The following PKD2L2 variants were observed in gnomAD, a reference collection of about 807,000 sequenced individuals.
PKD2L2 encodes the protein polycystin-2-like protein 2.
In PKD2L2, 67 loss-of-function variants were observed where a neutral mutation model predicts 83.9. That is an observed-to-expected ratio of 0.80 (90% CI 0.66 to 0.98). The LOEUF (loss-of-function observed/expected upper bound fraction) is 0.98, where lower values mean the gene tolerates loss of function less well. Ranked by LOEUF, PKD2L2 falls within the 50% of genes least tolerant of loss-of-function variation. The pLI, the probability that PKD2L2 is intolerant of heterozygous loss-of-function variation, is 0.00. For missense variants in PKD2L2, 632 were observed against 717.2 expected (o/e 0.88, Z 1.36); for synonymous variants, 223 against 237.8 (o/e 0.94, Z 0.57).
chr5:137,913,104 A>G (rs1265176005), intron 8 of PKD2L2, among the ~76,000 whole-genome samples: 1 of 148,046 alleles, frequency 6.8e-6, no homozygotes, highest in Non-Finnish European at 1.5e-5. Context: ...GGAACTCTTG[A>G]CCTCAGGTGA....
chr5:137,892,743 A>G, intron 3 of PKD2L2, 130 bp downstream of exon 3: 1 of 736,104 alleles, frequency 1.4e-6, no homozygotes, highest in Non-Finnish European at 2.2e-6. Context: ...TTAAACTATT[A>G]GAAACAACCA....
intron 5 of PKD2L2, among the ~76,000 whole-genome samples, chr5:137,903,318 A>C (rs1377975457): frequency 1.3e-5 from 2 of 152,216 alleles, no homozygotes; most frequent in African/African-American, 2.4e-5. Flanking sequence ...TTGGCCAAAG[A>C]AATTCATGTG....
intron 9 of PKD2L2, among the ~76,000 whole-genome samples, chr5:137,923,066 C>T (rs933145815): frequency 2.0e-5 from 3 of 149,826 alleles, no homozygotes; most frequent in Non-Finnish European, 4.4e-5. Context: ...GGCTGGAGTG[C>T]AGTGGTGCGA....
chr5:137,920,643 G>C (rs1758808095), intron 8 of PKD2L2, among the ~76,000 whole-genome samples: 1 of 151,988 alleles, frequency 6.6e-6, no homozygotes, highest in Admixed American at 6.6e-5. Context: ...TGTAGTCCCA[G>C]CTACTCAGGA....
chr5:137,923,614 C>T (rs34485024), intron 10 of PKD2L2, 93 bp downstream of exon 10: 27,818 of 731,780 alleles, frequency 0.038, 677 homozygotes, highest in Middle Eastern at 0.073. Context: ...TCCAAGTGGT[C>T]GTGCTCTCCC....
At chr5:137,919,351 C>T (rs1758680858) in intron 8 of PKD2L2, among the ~76,000 whole-genome samples, 1 of 152,156 alleles carries the variant, frequency 6.6e-6, no homozygotes, top group Non-Finnish European at 1.5e-5. Flanking sequence ...CCTCCAGTTT[C>T]GATGAGATTC....
chr5:137,940,485 G>C (rs1761357115), intron 14 of PKD2L2: 1 of 601,020 alleles, frequency 1.7e-6, no homozygotes. Context: ...AAAAAAAAAA[G>C]GTTATTGAAC....
At chr5:137,932,213 T>TGGCTACA (rs1226975421) in intron 12 of PKD2L2, among the ~76,000 whole-genome samples, 2 of 151,970 alleles carry the variant, frequency 1.3e-5, no homozygotes, top group African/African-American at 4.8e-5. Flanking sequence ...CCAGGCGTGG[T>TGGCTACA]GGTGTGCACC....
chr5:137,892,613 G>A lies in PKD2L2; in HGVS notation c.267G>A (p.Lys89=). Residue 89 remains lysine (K), a splice_region_variant and synonymous_variant, in exon 3 of 15, where the codon AAG becomes AAA. Coordinates refer to ENST00000508883, the MANE Select transcript of PKD2L2 (RefSeq NM_001300921.2). Reference sequence around the variant, plus strand: ...TTCGCAGCATAACTGATTTTTGGAAGGTAAAGTATCTTGTGACTGTGGATG... The same window carrying A: ...TTCGCAGCATAACTGATTTTTGGAAAGTAAAGTATCTTGTGACTGTGGATG... ...KSIRSITDFW[K]FMEGPLLEGL... 3 of 1,610,744 alleles carry A rather than the reference G, an allele frequency of 1.9e-6. No individual in the cohort carries two copies. The highest frequency in any genetic ancestry group is 2.5e-6 in the Non-Finnish European group (3 of 1,178,894).
chr5:137,929,590 A>G (rs1039069417), intron 12 of PKD2L2, among the ~76,000 whole-genome samples: 1 of 150,792 alleles, frequency 6.6e-6, no homozygotes, highest in African/African-American at 2.4e-5. Flanking sequence ...TTAAAATATA[A>G]ATATAAAACA....
rs1290943107 is a variant in PKD2L2, at chr5:137,890,483, G to T, written c.34G>T (p.Ala12Ser). Residue 12 changes from alanine (A) to serine (S), a missense_variant and splice_region_variant, in exon 2 of 15, where the codon GCT becomes TCT. Ala to Ser is a moderately conservative substitution (Grantham distance 99). Around this residue, in one of 3 missense-constraint regions of PKD2L2, gnomAD observed 229 missense variants for 281.5 expected, o/e 0.81. Transcript: ENST00000508883. ...AEASRWHRGG[A>S]SKHKLHYRKE... Reference sequence around the variant, plus strand: ...AAATTTTGTCTTATATCTCACAGGGGCTTCGAAACATAAGTTGCATTACAG... The same window carrying T: ...AAATTTTGTCTTATATCTCACAGGGTCTTCGAAACATAAGTTGCATTACAG... 1 of 1,557,046 alleles carries T rather than the reference G, an allele frequency of 6.4e-7. No individual in the cohort carries two copies. The highest frequency in any genetic ancestry group is 1.4e-5 in the African/African-American group (1 of 72,690).
chr5:137,901,906 A>C (rs1756990482), intron 5 of PKD2L2, among the ~76,000 whole-genome samples: 1 of 152,162 alleles, frequency 6.6e-6, no homozygotes, highest in African/African-American at 2.4e-5. Context: ...GAAACAACAA[A>C]TACCCGCTGG....
At chr5:137,940,241 G>A (rs201567292) in intron 14 of PKD2L2, 2 of 1,613,894 alleles carry the variant, frequency 1.2e-6, no homozygotes, top group South Asian at 1.1e-5. Flanking sequence ...GGATTTTGAA[G>A]AATCTTGTTT....
chr5:137,923,429 T>C lies in PKD2L2; in HGVS notation c.1459T>C (p.Leu487=), dbSNP rs758142906. 7.1e-7 allele frequency: 1 copy of C among 1,411,280 alleles called. No individual in the cohort carries two copies. The highest frequency in any genetic ancestry group is 2.3e-5 in the East Asian group (1 of 43,898). 87.4% of individuals were successfully genotyped at this position (1,411,280 alleles called of 1,614,324 possible). ...FVFFVLLNMF[L]AIINDTYSEV... ...GAATACTTATCCCTAGAATATGTTCTTGGCAATTATTAATGATACCTATTC... is the reference window on the plus strand; with the variant it reads ...GAATACTTATCCCTAGAATATGTTCCTGGCAATTATTAATGATACCTATTC... The change falls in exon 10 of 15, where the codon TTG becomes CTG. Residue 487 remains leucine, a synonymous_variant. Transcript: ENST00000508883.
intron 12 of PKD2L2, among the ~76,000 whole-genome samples, chr5:137,933,186 A>G (rs181132009): frequency 1.3e-5 from 2 of 152,168 alleles, no homozygotes; most frequent in Non-Finnish European, 2.9e-5. Context: ...AGAGTATAAG[A>G]GGGTAAATTT....
At chr5:137,910,981 A>G (rs1241219256) in intron 8 of PKD2L2, among the ~76,000 whole-genome samples, 1 of 152,138 alleles carries the variant, frequency 6.6e-6, no homozygotes, top group Non-Finnish European at 1.5e-5. Context: ...TATAACATCA[A>G]ATTTACCATT....
chr5:137,899,879 G>A, intron 5 of PKD2L2, 142 bp downstream of exon 5: 1 of 487,186 alleles, frequency 2.1e-6, no homozygotes. Context: ...AAATATATTG[G>A]AAAATGTTTT....
intron 12 of PKD2L2, among the ~76,000 whole-genome samples, chr5:137,933,495 T>C (rs1247312517): frequency 6.6e-6 from 1 of 152,164 alleles, no homozygotes; most frequent in Admixed American, 6.5e-5. Flanking sequence ...AATATACACA[T>C]AACAAGCAAA....
At chr5:137,897,912 CT>C (rs1756615127) in intron 4 of PKD2L2, among the ~76,000 whole-genome samples, 3 of 151,042 alleles carry the variant, frequency 2.0e-5, no homozygotes, top group East Asian at 1.9e-4. Context: ...TCAAAGCTTT[CT>C]TTTTTTGGAT....
Sources: gnomAD v4.1 joint callset for allele counts (sites outside exome capture counted in the v4.1 genomes callset) on GRCh38, gnomAD v4.1.1 for gene constraint, gnomAD v4.1.1 regional missense constraint, MANE v1.5 for transcripts, NCBI Gene and HGNC (gene_info 2026-07-23, HGNC 2026-07-21) for gene names.